FRAS1: variants seen among roughly 807,000 people sequenced by gnomAD.
FRAS1 encodes extracellular matrix organizing protein FRAS1.
In FRAS1, 290 loss-of-function variants were observed where a neutral mutation model predicts 435.2. The observed-to-expected ratio is 0.67, with a 90% CI of 0.61 to 0.73. FRAS1 has a LOEUF of 0.73. Ranked by LOEUF, FRAS1 falls within the 30% of genes least tolerant of loss-of-function variation. The pLI is 0.00. For missense variants in FRAS1, 4,860 were observed against 5,001.5 expected, an observed-to-expected ratio of 0.97 and a Z score of 0.85; for synonymous variants, 1,800 against 1,851.0, an observed-to-expected ratio of 0.97 and a Z score of 0.71.
intron 2 of FRAS1, among the ~76,000 whole-genome samples, chr4:78,228,988 CAA>C (rs1486881648): frequency 6.6e-6 from 1 of 152,146 alleles, no homozygotes; most frequent in Non-Finnish European, 1.5e-5. Context: ...TGTTTGAACT[CAA>C]GTTTGCCTAT....
At chr4:78,472,434 A>G (rs1719738641) in intron 52 of FRAS1, 104 bp downstream of exon 52, 3 of 1,005,270 alleles carry the variant, frequency 3.0e-6, no homozygotes, top group Non-Finnish European at 4.2e-6. Flanking sequence ...CTTATGCCCA[A>G]GTAACCACTT....
intron 23 of FRAS1, among the ~76,000 whole-genome samples, 187 bp downstream of exon 23, chr4:78,370,171 TA>T (rs1731447504): frequency 6.6e-6 from 1 of 152,234 alleles, no homozygotes; most frequent in Non-Finnish European, 1.5e-5. Context: ...ATTAAGCATA[TA>T]TTTTTGAGCA....
chr4:78,407,796 C>T lies in FRAS1; in HGVS notation c.4263C>T (p.Tyr1421=), dbSNP rs765164536. ...QQDINEGIVW[Y]RHSGAPAQSD... is the part of the protein sequence containing the mutation. ...ACATCAATGAAGGCATCGTATGGTA[C>T]AGGCACTCAGGAGCCCCAGCCCAGA... The change falls in exon 31 of 74, where the codon TAC becomes TAT. Residue 1421 remains tyrosine, a synonymous_variant. Coordinates refer to ENST00000512123, the MANE Select transcript of FRAS1 (RefSeq NM_025074.7). 12 of 1,612,826 alleles carry T rather than the reference C, an allele frequency of 7.4e-6. No individual in the cohort carries two copies. In the South Asian group the frequency reaches 1.3e-4, roughly 18 times the overall value.
At chr4:78,342,545 T>A (rs1264474782) in intron 20 of FRAS1, among the ~76,000 whole-genome samples, 5 of 151,614 alleles carry the variant, frequency 3.3e-5, no homozygotes, top group Non-Finnish European at 7.3e-5. Context: ...TGTCATAGAT[T>A]AGAAAAAATT....
intron 2 of FRAS1, among the ~76,000 whole-genome samples, chr4:78,080,628 G>A (rs550456023): frequency 1.5e-3 from 225 of 152,170 alleles, no homozygotes; most frequent in Non-Finnish European, 2.8e-3. Context: ...TTCTGCTTTT[G>A]TCATAATTAC....
intron 20 of FRAS1, among the ~76,000 whole-genome samples, chr4:78,343,871 T>C (rs767110032): frequency 6.6e-6 from 1 of 152,204 alleles, no homozygotes; most frequent in Non-Finnish European, 1.5e-5. Context: ...AGTTCTGTTT[T>C]AAAGCAGCTT....
chr4:78,140,126 G>A (rs1247065549), intron 2 of FRAS1, among the ~76,000 whole-genome samples: 4 of 151,994 alleles, frequency 2.6e-5, no homozygotes, highest in East Asian at 1.9e-4. Flanking sequence ...ATCTGCACAC[G>A]TACTTTCTTT....
chr4:78,466,784 T>G (rs1719545089), intron 50 of FRAS1, among the ~76,000 whole-genome samples: 1 of 152,212 alleles, frequency 6.6e-6, no homozygotes, highest in Non-Finnish European at 1.5e-5. Flanking sequence ...TTTCATCTGG[T>G]TTTTGAATAA....
At chr4:78,424,807 G>A (rs191805761) in intron 35 of FRAS1, among the ~76,000 whole-genome samples, 1 of 152,008 alleles carries the variant, frequency 6.6e-6, no homozygotes, top group Non-Finnish European at 1.5e-5. Flanking sequence ...CTGGATGATG[G>A]TGGCACATGC....
chr4:78,117,380 C>T (rs948888368), intron 2 of FRAS1, among the ~76,000 whole-genome samples: 11 of 152,136 alleles, frequency 7.2e-5, no homozygotes, highest in Non-Finnish European at 1.3e-4. Flanking sequence ...TGTTGGCCTG[C>T]CTTGCTAGAT....
At chr4:78,295,087 A>G (rs1728085050) in intron 14 of FRAS1, among the ~76,000 whole-genome samples, 1 of 152,074 alleles carries the variant, frequency 6.6e-6, no homozygotes, top group Admixed American at 6.6e-5. Flanking sequence ...ATCCTTCTAC[A>G]ACATCTTTTT....
chr4:78,441,890 T>A (rs1734674376), intron 41 of FRAS1, among the ~76,000 whole-genome samples: 1 of 152,252 alleles, frequency 6.6e-6, no homozygotes, highest in Non-Finnish European at 1.5e-5. Flanking sequence ...CTGAACACTC[T>A]GGTGGTTATC....
intron 2 of FRAS1, among the ~76,000 whole-genome samples, chr4:78,138,663 A>G (rs1229187394): frequency 6.6e-6 from 1 of 152,140 alleles, no homozygotes; most frequent in Non-Finnish European, 1.5e-5. Flanking sequence ...GTGACTATAA[A>G]TGATAGGTAC....
chr4:78,485,703 A>T, intron 58 of FRAS1, among the ~76,000 whole-genome samples: 1 of 152,180 alleles, frequency 6.6e-6, no homozygotes, highest in East Asian at 1.9e-4. Flanking sequence ...TGTGAAACCA[A>T]GTTTGAATAA....
intron 2 of FRAS1, among the ~76,000 whole-genome samples, chr4:78,195,158 C>T (rs1000868919): frequency 1.2e-4 from 18 of 152,126 alleles, no homozygotes; most frequent in Admixed American, 2.0e-4. Context: ...AGTACCCGGC[C>T]GTGTGAGGTG....
intron 56 of FRAS1, among the ~76,000 whole-genome samples, chr4:78,481,134 TTGAAAATTGTAGGGTTTTCA>T (rs557933399): frequency 2.0e-3 from 302 of 152,380 alleles, no homozygotes; most frequent in African/African-American, 5.0e-3. Flanking sequence ...AATGTGGTGA[TTGAAAATTGTAGGGTTTTCA>T]TGAAGCTTTT....
rs775553802 is a variant in FRAS1, at chr4:78,470,051, C to G, written c.7331C>G (p.Thr2444Ser). 5.6e-6 allele frequency: 9 copies of G among 1,613,646 alleles called. No homozygotes were observed. Among genetic ancestry groups the G allele is most frequent in the Non-Finnish European group, 7.6e-6 (9 of 1,179,754 alleles). The change falls in exon 51 of 74, where the codon ACC becomes AGC. Residue 2444 changes from threonine (T) to serine (S), a missense_variant. Thr to Ser is a moderately conservative substitution (Grantham distance 58, BLOSUM62 1). Transcript: ENST00000512123. The part of the protein sequence containing the change: ...PVDDGTPRIV[T>S]NLGLQWLEYM... ...GATGATGGCACGCCTAGAATTGTCA[C>G]CAACCTGGGACTCCAGTGGCTGGAA...
chr4:78,523,564 T>G (rs1721452082), intron 69 of FRAS1, among the ~76,000 whole-genome samples: 3 of 152,274 alleles, frequency 2.0e-5, no homozygotes, highest in Non-Finnish European at 2.9e-5. Flanking sequence ...TGATCCCCAT[T>G]TTATAGGTAA....
chr4:78,180,326 T>C (rs142972232), intron 2 of FRAS1, among the ~76,000 whole-genome samples: 1,759 of 152,272 alleles, frequency 0.012, 19 homozygotes, highest in Middle Eastern at 0.041. Flanking sequence ...AATGAAAATA[T>C]TAAAACTAAG....
Sources: gnomAD v4.1 joint callset for allele counts (sites outside exome capture counted in the v4.1 genomes callset) on GRCh38, gnomAD v4.1.1 for gene constraint, MANE v1.5 for transcripts, NCBI Gene and HGNC (gene_info 2026-07-23, HGNC 2026-07-21) for gene names.